The following NCR1 variants were observed in gnomAD, a reference collection of about 807,000 sequenced individuals.
The protein encoded by NCR1 is natural cytotoxicity triggering receptor 1, also known as NK cell-activating receptor.
In NCR1, 30 loss-of-function variants were observed where a neutral mutation model predicts 32.5. That is an observed-to-expected ratio of 0.92 (90% CI 0.69 to 1.25). NCR1 has a LOEUF of 1.25. Ranked by LOEUF, NCR1 falls within the 50% of genes most tolerant of loss-of-function variation. The pLI is 0.00. For synonymous variants in NCR1, 169 were observed against 143.4 expected (o/e 1.18, Z -1.28); for missense variants, 369 against 380.7 (o/e 0.97, Z 0.26).
the NCR1 span, among the ~76,000 whole-genome samples, chr19:54,935,531 A>G: frequency 6.6e-6 from 1 of 152,060 alleles, no homozygotes; most frequent in Non-Finnish European, 1.5e-5. Flanking sequence ...CCCTGTCTCT[A>G]TTAAAAATAC....
chr19:54,906,120 G>C (rs1199809078), upstream of NCR1: 5 of 1,602,870 alleles, frequency 3.1e-6, no homozygotes, highest in Non-Finnish European at 4.3e-6. Context: ...CACTTCCTGT[G>C]TATCTATCTC....
intron 4 of NCR1, 151 bp from the exon 5 acceptor site, chr19:54,909,867 G>A (rs1181375818): frequency 1.6e-5 from 11 of 686,024 alleles, no homozygotes; most frequent in East Asian, 2.7e-5. Flanking sequence ...CCCGGGAGGC[G>A]GGGGTTGTAG....
At chr19:54,938,134 A>G in the NCR1 span, 3 of 1,613,952 alleles carry the variant, frequency 1.9e-6, no homozygotes, top group Non-Finnish European at 2.5e-6. Flanking sequence ...TTTCACTTCC[A>G]GAAACTTGAG....
the NCR1 span, chr19:54,937,919 AAAG>A: frequency 6.4e-6 from 5 of 783,460 alleles, no homozygotes; most frequent in Admixed American, 2.2e-5. Flanking sequence ...AAAAAAAAAA[AAAG>A]ACAGCTGGAA....
At chr19:54,915,434 T>C (rs2068112874), downstream of NCR1, among the ~76,000 whole-genome samples, 1 of 152,196 alleles carries the variant, frequency 6.6e-6, no homozygotes, top group South Asian at 2.1e-4. Flanking sequence ...TCTCTAAATC[T>C]GATTTTTCCA....
At chr19:54,935,422 G>A in the NCR1 span, among the ~76,000 whole-genome samples, 610 of 152,194 alleles carry the variant, frequency 4.0e-3, 2 homozygotes, top group African/African-American at 7.3e-3. Context: ...CTGGCCAGGC[G>A]CAGTGGTTCA....
chr19:54,912,673 T>C lies in NCR1; in HGVS notation c.734-17T>C, dbSNP rs758671195. On this transcript the variant is annotated splice_polypyrimidine_tract_variant and intron_variant, in intron 6 of 6. Coordinates refer to ENST00000291890, the MANE Select transcript of NCR1 (RefSeq NM_004829.7). The stretch of plus-strand genomic sequence containing the variant: ...CTTACATCCCTGTCAGCGATCACCC[T>C]GTTCTCCTGCCTACAGACCATGCCC... 6.6e-6 allele frequency: 10 copies of C among 1,511,980 alleles called. No individual in the cohort carries two copies. In the East Asian group the frequency reaches 2.4e-4, roughly 36 times the overall value. 93.7% of individuals were successfully genotyped at this position (1,511,980 alleles called of 1,614,324 possible).
chr19:54,924,188 G>C, the NCR1 span, among the ~76,000 whole-genome samples: 1 of 151,960 alleles, frequency 6.6e-6, no homozygotes, highest in African/African-American at 2.4e-5. Flanking sequence ...GGCTGGTCTC[G>C]AACTTCTGGC....
At chr19:54,923,959 G>A in the NCR1 span, 1 of 1,452,804 alleles carries the variant, frequency 6.9e-7, no homozygotes, top group Non-Finnish European at 9.6e-7. Context: ...AACACTCAAA[G>A]CAGGAAACGT....
downstream of NCR1, among the ~76,000 whole-genome samples, chr19:54,919,285 T>C (rs989623196): frequency 3.9e-5 from 6 of 152,156 alleles, no homozygotes; most frequent in African/African-American, 1.4e-4. Flanking sequence ...AGACCGGTAG[T>C]GGCCCCGAAT....
chr19:54,936,168 G>T, the NCR1 span: 2 of 1,093,626 alleles, frequency 1.8e-6, no homozygotes, highest in Non-Finnish European at 1.4e-6. Flanking sequence ...GTCTGGGACG[G>T]CATCTGGAGT....
At chr19:54,934,744 CTG>C in the NCR1 span, 2 of 1,160,528 alleles carry the variant, frequency 1.7e-6, no homozygotes, top group Non-Finnish European at 2.4e-6. The surrounding 1 kb of genome is among the most constrained non-coding windows in gnomAD (Gnocchi z 6.7). Flanking sequence ...GAGTTTCACT[CTG>C]TTGCCCAGTC....
the NCR1 span, chr19:54,934,505 A>C: frequency 6.2e-7 from 1 of 1,614,110 alleles, no homozygotes; most frequent in Non-Finnish European, 8.5e-7. The surrounding 1 kb of genome is among the most constrained non-coding windows in gnomAD (Gnocchi z 6.7). Context: ...ATCTGCAGGA[A>C]GTGTTTTGGG....
At chr19:54,903,836 G>A (rs1256091909), upstream of NCR1, among the ~76,000 whole-genome samples, 6 of 151,474 alleles carry the variant, frequency 4.0e-5, no homozygotes, top group African/African-American at 9.7e-5. Flanking sequence ...TAAAAGAAAT[G>A]TTTCTTGGCT....
chr19:54,925,963 T>G, the NCR1 span, among the ~76,000 whole-genome samples: 30 of 150,554 alleles, frequency 2.0e-4, no homozygotes, highest in Admixed American at 4.0e-4. Context: ...TCGCACCGCT[T>G]CACTCCAGCC....
At chr19:54,917,508 T>C (rs145718334), downstream of NCR1, among the ~76,000 whole-genome samples, 3,948 of 151,942 alleles carry the variant, frequency 0.026, 130 homozygotes, top group African/African-American at 0.063. Context: ...TTAGTGGAGA[T>C]GGGGGTTTTA....
chr19:54,910,675 T>G (rs2067926114), intron 5 of NCR1, among the ~76,000 whole-genome samples: 1 of 152,156 alleles, frequency 6.6e-6, no homozygotes, highest in African/African-American at 2.4e-5. Context: ...ATCTTGACTG[T>G]GCAGCACTTA....
At chr19:54,923,355 A>C in the NCR1 span, among the ~76,000 whole-genome samples, 96,949 of 151,768 alleles carry the variant, frequency 0.64, 31,772 homozygotes, top group East Asian at 0.83. Context: ...CACCTGGCAG[A>C]TAGTAGACCA....
chr19:54,930,070 G>A, the NCR1 span, among the ~76,000 whole-genome samples: 2 of 144,938 alleles, frequency 1.4e-5, no homozygotes, highest in Non-Finnish European at 1.5e-5. Context: ...AGCCGAGATC[G>A]CGCCACTGCA....
Sources: gnomAD v4.1 joint callset for allele counts (sites outside exome capture counted in the v4.1 genomes callset) on GRCh38, gnomAD v4.1.1 for gene constraint, Gnocchi (gnomAD v3.1) non-coding constraint, MANE v1.5 for transcripts, NCBI Gene and HGNC (gene_info 2026-07-23, HGNC 2026-07-21) for gene names.